Variants in SLC39A4 observed in about 807,000 individuals in gnomAD.
SLC39A4 encodes the protein solute carrier family 39 member 4.
A neutral mutation model predicts 56.6 loss-of-function variants in SLC39A4; 49 were observed. The ratio of observed to expected loss-of-function variants is 0.87; its 90% confidence interval spans 0.69 to 1.10. The LOEUF (loss-of-function observed/expected upper bound fraction) is 1.10, where lower values mean the gene tolerates loss of function less well. SLC39A4 is among the 50% of genes least tolerant of loss of function. SLC39A4 has a pLI of 0.00. For missense variants in SLC39A4, 993 were observed against 864.2 expected, an observed-to-expected ratio of 1.15 and a Z score of -1.87; for synonymous variants, 540 against 420.4, an observed-to-expected ratio of 1.28 and a Z score of -3.48.
In SLC39A4 at chr8:144,414,310, C is replaced by A. The variant is rs370914936; in HGVS notation, c.1101G>T (p.Leu367=). ...THYILQTFLS[L]AVGAVTGDAV... ...CGTCCCCAGTGACTGCACCCACTGC[C>A]AGGCTCAGGAAGGTCTGCAGGATGT... Residue 367 remains leucine, a synonymous_variant, in exon 6 of 12, where the codon CTG becomes CTT. Coordinates refer to ENST00000301305, the MANE Select transcript of SLC39A4 (RefSeq NM_130849.4). 1.2e-6 allele frequency: 2 copies of A among 1,605,776 alleles called. No individual in the cohort carries two copies. The highest frequency in any genetic ancestry group is 1.7e-6 in the Non-Finnish European group (2 of 1,177,570).
chr8:144,415,139 G>A (rs1554873473), intron 3 of SLC39A4, 29 bp from the exon 4 acceptor site: 1 of 1,612,542 alleles, frequency 6.2e-7, no homozygotes. Flanking sequence ...GGCACCGCGA[G>A]TCTGTGTGGG....
chr8:144,415,769 C>A, intron 2 of SLC39A4, 41 bp downstream of exon 2: 2 of 1,571,270 alleles, frequency 1.3e-6, no homozygotes, highest in East Asian at 2.3e-5. Flanking sequence ...CCGTGGGACC[C>A]TCCTCACCCA....
chr8:144,415,118 G>A lies in SLC39A4; in HGVS notation c.668-8C>T, dbSNP rs1417833659. 5.6e-6 allele frequency: 9 copies of A among 1,612,352 alleles called. No individual in the cohort carries two copies. Among genetic ancestry groups the A allele is most frequent in the Non-Finnish European group, 7.6e-6 (9 of 1,179,922 alleles). On this transcript the variant is annotated splice_region_variant and splice_polypyrimidine_tract_variant and intron_variant, in intron 3 of 11. Transcript: ENST00000301305. ...GCATCAAGGCTGACAGCTCTGGCAGGGAGAAGAGTTGGCACCGCGAGTCTG... is the reference window on the plus strand; with the variant it reads ...GCATCAAGGCTGACAGCTCTGGCAGAGAGAAGAGTTGGCACCGCGAGTCTG...
At position 144,412,470 on chromosome 8, in the gene SLC39A4, T is replaced by C; in HGVS notation, c.*68A>G. ...GGACTGGGGCCTCTATAGGGGCTTCTGGTTTCTGGGCTGTAGGTTTGTGAG... is the reference window on the plus strand; with the variant it reads ...GGACTGGGGCCTCTATAGGGGCTTCCGGTTTCTGGGCTGTAGGTTTGTGAG... On this transcript the variant is annotated 3_prime_UTR_variant, in exon 12 of 12. Transcript: ENST00000301305. 1 of 1,613,180 alleles carries C rather than the reference T, an allele frequency of 6.2e-7. No individual in the cohort carries two copies. The highest frequency in any genetic ancestry group is 1.7e-5 in the Admixed American group (1 of 60,018).
rs782002895 is a variant in SLC39A4, at chr8:144,413,772, TG to T, written c.1396del (p.His466ThrfsTer17). ...PSELRQPKPP[H>X]EGSRADLVAE... Reference sequence around the variant, plus strand: ...CACCAGGTCTGCGCGGGAGCCCTCGTGGGGGGGCTTGGGCTGCCGGAGCTCG... The same window carrying T: ...CACCAGGTCTGCGCGGGAGCCCTCGTGGGGGGCTTGGGCTGCCGGAGCTCG... On this transcript the variant is annotated frameshift_variant, in exon 8 of 12. Coordinates refer to ENST00000301305, the MANE Select transcript of SLC39A4 (RefSeq NM_130849.4). LOFTEE classifies it high-confidence loss of function. The T allele has an allele frequency of 4.4e-5, 68 of 1,542,536 alleles. No homozygotes were observed. The highest frequency in any genetic ancestry group is 4.3e-6 in the Non-Finnish European group (5 of 1,149,936).
In SLC39A4 at chr8:144,412,682, G is replaced by A; in HGVS notation, c.1816-16C>T. On this transcript the variant is annotated splice_polypyrimidine_tract_variant and intron_variant, in intron 11 of 11. Coordinates refer to ENST00000301305, the MANE Select transcript of SLC39A4 (RefSeq NM_130849.4). Reference sequence around the variant, plus strand: ...TCGCCGGGAGCTGAGGAGCAAGTGGGCACCGGGTCAGCGCCCCTGCTCAGC... The same window carrying A: ...TCGCCGGGAGCTGAGGAGCAAGTGGACACCGGGTCAGCGCCCCTGCTCAGC... The A allele has an allele frequency of 1.2e-6, 2 of 1,613,718 alleles. No homozygotes were observed. Among genetic ancestry groups the A allele is most frequent in the Non-Finnish European group, 1.7e-6 (2 of 1,179,916 alleles).
At position 144,416,780 on chromosome 8, in the gene SLC39A4, G is replaced by A. The variant is rs144946747; in HGVS notation, c.10C>T (p.Leu4=). The A allele has an allele frequency of 5.1e-4, 826 of 1,612,186 alleles. 5 individuals carry two copies. In the African/African-American group the frequency reaches 9.6e-3, roughly 19 times the overall value. ...AGCAGCCCCAGCTCCAGCGAGACCA[G>A]GGACGCCATACTCAGCTCCCAGCGT... MAS[L]VSLELGLLLA... is the part of the protein sequence containing the mutation. Residue 4 remains leucine (L), a synonymous_variant, in exon 1 of 12, where the codon CTG becomes TTG. Coordinates refer to ENST00000301305, the MANE Select transcript of SLC39A4 (RefSeq NM_130849.4).
In SLC39A4 at chr8:144,412,609, T is replaced by C; in HGVS notation, c.1873A>G (p.Asn625Asp). Residue 625 changes from asparagine to aspartate, a missense_variant, in exon 12 of 12, where the codon AAC becomes GAC. Physicochemically the swap from Asn to Asp is conservative, Grantham distance 23 (BLOSUM62 1). Coordinates refer to ENST00000301305, the MANE Select transcript of SLC39A4 (RefSeq NM_130849.4). ...PRPWLLFLLHNVGLLGGWTVL... is the reference protein window; with the variant it reads ...PRPWLLFLLHDVGLLGGWTVL... ...GTCCAGCCGCCCAGCAGGCCCACGT[T>C]GTGCAGCAGGAAGAGGAGCCAGGGC... 1 of 1,614,118 alleles carries C rather than the reference T, an allele frequency of 6.2e-7. No homozygotes were observed. The highest frequency in any genetic ancestry group is 1.1e-5 in the South Asian group (1 of 91,078).
chr8:144,413,949 A>G lies in SLC39A4; in HGVS notation c.1287+9T>C, dbSNP rs782712346. 1 of 1,611,006 alleles carries G rather than the reference A, an allele frequency of 6.2e-7. No individual in the cohort carries two copies. Among genetic ancestry groups the G allele is most frequent in the Non-Finnish European group, 8.5e-7 (1 of 1,179,004 alleles). On this transcript the variant is annotated intron_variant, in intron 7 of 11. Transcript: ENST00000301305. Reference sequence around the variant, plus strand: ...CCCACCCGCCGGGTACCTTCCCAAGAAGCCTGACCTCCGGGTCCCTGGGCA... The same window carrying G: ...CCCACCCGCCGGGTACCTTCCCAAGGAGCCTGACCTCCGGGTCCCTGGGCA...
chr8:144,414,261 C>G lies in SLC39A4; in HGVS notation c.1149+1G>C. 1 of 1,608,114 alleles carries G rather than the reference C, an allele frequency of 6.2e-7. No homozygotes were observed. The highest frequency in any genetic ancestry group is 8.5e-7 in the Non-Finnish European group (1 of 1,178,522). The stretch of plus-strand genomic sequence containing the variant: ...AGGGTCGCGGGTTTGTGGGGGCAGA[C>G]CTTGGGCGTCAGATGCAGGACAGCG... On this transcript the variant is annotated splice_donor_variant, in intron 6 of 11. Transcript: ENST00000301305. LOFTEE classifies it high-confidence loss of function.
rs781935867 is a variant in SLC39A4, at chr8:144,412,944, C to T, written c.1630G>A (p.Asp544Asn). The change falls in exon 11 of 12, where the codon GAC becomes AAC. Residue 544 changes from aspartate (D) to asparagine (N), a missense_variant and splice_region_variant. Physicochemically the swap from Asp to Asn is conservative, Grantham distance 23. Transcript: ENST00000301305. ...FCHELPHELGDFAALLHAGLS... is the reference protein window; with the variant it reads ...FCHELPHELGNFAALLHAGLS... ...CCCGCGTGCAGCAAGGCGGCGAAGT[C>T]CCCTGCGGGCGAGTCCACATTAACA... The T allele has an allele frequency of 1.8e-5, 29 of 1,595,764 alleles. 1 individual carries two copies. In the African/African-American group the frequency reaches 2.9e-4, roughly 16 times the overall value.
intron 4 of SLC39A4, 29 bp downstream of exon 4, chr8:144,414,945 G>C: frequency 6.2e-7 from 1 of 1,612,960 alleles, no homozygotes; most frequent in African/African-American, 1.3e-5. Context: ...CCCCGGTGAG[G>C]CCCCATCTTA....
chr8:144,413,304 C>T lies in SLC39A4; in HGVS notation c.1560G>A (p.Ala520=), dbSNP rs1554872269. The T allele has an allele frequency of 8.1e-6, 13 of 1,602,830 alleles. No homozygotes were observed. Among genetic ancestry groups the T allele is most frequent in the Non-Finnish European group, 1.0e-5 (12 of 1,178,324 alleles). ...ADGLAVGAAF[A]SSWKTGLATS... Reference sequence around the variant, plus strand: ...TGGCCAGCCCGGTCTTCCAGGAGGACGCGAAGGCGGCGCCCACGGCCAGCC... The same window carrying T: ...TGGCCAGCCCGGTCTTCCAGGAGGATGCGAAGGCGGCGCCCACGGCCAGCC... Residue 520 remains alanine (A), a synonymous_variant, in exon 10 of 12, where the codon GCG becomes GCA. Coordinates refer to ENST00000301305, the MANE Select transcript of SLC39A4 (RefSeq NM_130849.4).
rs1554872988 is a variant in SLC39A4 at position 144,414,327 on chromosome 8, G to A, written c.1084C>T (p.Gln362Ter). 1 of 1,601,638 alleles carries A rather than the reference G, an allele frequency of 6.2e-7. No individual in the cohort carries two copies. Among genetic ancestry groups the A allele is most frequent in the Admixed American group, 1.7e-5 (1 of 57,184 alleles). ...CCCACTGCCAGGCTCAGGAAGGTCT[G>A]CAGGATGTAGTGGGTGACCCCCCTG... is the stretch of plus-strand genomic sequence containing the variant. ...GCRGVTHYIL[Q>*]TFLSLAVGAV... The change falls in exon 6 of 12, where the codon CAG (glutamine) becomes TAG (stop). Residue 362 changes from glutamine (Q) to a stop codon, truncating the protein, a stop_gained. Coordinates refer to ENST00000301305, the MANE Select transcript of SLC39A4 (RefSeq NM_130849.4). LOFTEE classifies it high-confidence loss of function.
chr8:144,414,142 C>T (rs782618105), intron 6 of SLC39A4, 47 bp from the exon 7 acceptor site: 19 of 1,556,858 alleles, frequency 1.2e-5, no homozygotes, highest in South Asian at 7.1e-5. Flanking sequence ...CAGGGCGCCT[C>T]CCACCAAGAC....
In SLC39A4 at chr8:144,416,048, C is replaced by T. The variant is rs1554873906; in HGVS notation, c.236G>A (p.Gly79Glu). 3.8e-6 allele frequency: 6 copies of T among 1,587,546 alleles called. No homozygotes were observed. Among genetic ancestry groups the T allele is most frequent in the African/African-American group, 2.7e-5 (2 of 74,688 alleles). The change falls in exon 2 of 12, where the codon GGG becomes GAG. Residue 79 changes from glycine to glutamate, a missense_variant. By Grantham distance (98) the Gly-to-Glu change is moderately conservative. Coordinates refer to ENST00000301305, the MANE Select transcript of SLC39A4 (RefSeq NM_130849.4). ...EDALGLGEPE[G>E]SGLPPGPVLE... ...GACCGGGCCCGGGGGCAGCCCTGAC[C>T]CCTCAGGCTCGCCCAGGCCCAGGGC...
Position 144,413,499 on chromosome 8 carries a change from C to T in SLC39A4, c.1474+14G>A, listed in dbSNP as rs782197437. 2.6e-6 allele frequency: 4 copies of T among 1,557,754 alleles called. No individual in the cohort carries two copies. Among genetic ancestry groups the T allele is most frequent in the South Asian group, 1.2e-5 (1 of 84,868 alleles). ...AGATCCCCCAGCCCTTCCGGGGTCGCCCCCTGGGCTCACCTGGGCTCAGTC... is the reference window on the plus strand; with the variant it reads ...AGATCCCCCAGCCCTTCCGGGGTCGTCCCCTGGGCTCACCTGGGCTCAGTC... On this transcript the variant is annotated intron_variant, in intron 9 of 11. Transcript: ENST00000301305.
Position 144,412,466 on chromosome 8 carries a change from C to T in SLC39A4, c.*72G>A. On this transcript the variant is annotated 3_prime_UTR_variant, in exon 12 of 12. Transcript: ENST00000301305. ...GTTGGGACTGGGGCCTCTATAGGGGCTTCTGGTTTCTGGGCTGTAGGTTTG... is the reference window on the plus strand; with the variant it reads ...GTTGGGACTGGGGCCTCTATAGGGGTTTCTGGTTTCTGGGCTGTAGGTTTG... 4 of 1,612,622 alleles carry T rather than the reference C, an allele frequency of 2.5e-6. No homozygotes were observed. The highest frequency in any genetic ancestry group is 1.1e-5 in the South Asian group (1 of 90,602).
In SLC39A4 at chr8:144,413,554, C is replaced by A. The variant is rs782459105; in HGVS notation, c.1433G>T (p.Ser478Ile). ...GSRADLVAEESPELLNPEPRR... is the reference protein window; with the variant it reads ...GSRADLVAEEIPELLNPEPRR... Reference sequence around the variant, plus strand: ...GGGCTCAGGGTTCAGCAGCTCCGGGCTCTCCTCCGCCACCTGGGAGGAGCC... The same window carrying A: ...GGGCTCAGGGTTCAGCAGCTCCGGGATCTCCTCCGCCACCTGGGAGGAGCC... The change falls in exon 9 of 12, where the codon AGC (serine) becomes ATC (isoleucine). Residue 478 changes from serine (S) to isoleucine (I), a missense_variant. Transcript: ENST00000301305. 37 of 1,554,014 alleles carry A rather than the reference C, an allele frequency of 2.4e-5. No homozygotes were observed. Among genetic ancestry groups the A allele is most frequent in the Non-Finnish European group, 2.8e-5 (32 of 1,148,924 alleles).
Sources: allele counts gnomAD v4.1 joint callset, GRCh38; gene constraint gnomAD v4.1.1; transcripts MANE v1.5; gene names NCBI Gene and HGNC (gene_info 2026-07-23, HGNC 2026-07-21).